The following CLIC5 variants were observed in gnomAD, a reference collection of about 807,000 sequenced individuals.
The protein encoded by CLIC5 is chloride intracellular channel protein 5.
In CLIC5, 20 loss-of-function variants were observed where a neutral mutation model predicts 24.7. The ratio of observed to expected loss-of-function variants is 0.81; its 90% confidence interval spans 0.57 to 1.18. The LOEUF is 1.18. Among genes scored for constraint, CLIC5 ranks in the 50% most tolerant of loss-of-function variants. CLIC5 has a pLI of 0.00. For missense variants in CLIC5, 341 were observed against 326.1 expected (o/e 1.05, Z -0.35); for synonymous variants, 159 against 135.6 (o/e 1.17, Z -1.20).
intron 4 of CLIC5, among the ~76,000 whole-genome samples, chr6:45,923,242 A>G (rs528512176): frequency 1.7e-4 from 26 of 152,354 alleles, no homozygotes; most frequent in African/African-American, 6.0e-4. Flanking sequence ...TTTAAGTATC[A>G]GGCCATAGAT....
At position 45,994,452 on chromosome 6, in the gene CLIC5, G is replaced by A. The variant is rs923546757; in HGVS notation, c.63+21028C>T. On this transcript the variant is annotated intron_variant, in intron 1 of 5. Coordinates refer to ENST00000339561, the MANE Select transcript of CLIC5 (RefSeq NM_016929.5). Reference sequence around the variant, plus strand: ...GGGAGTTAAACAACGAAAACACATGGACACAGGGAGGGGAACAACGCACAC... The same window carrying A: ...GGGAGTTAAACAACGAAAACACATGAACACAGGGAGGGGAACAACGCACAC... Among the ~76,000 whole-genome samples, 16 of 152,124 alleles carry A rather than the reference G, an allele frequency of 1.1e-4. No individual in the cohort carries two copies. The East Asian group carries it at 2.5e-3, about 24-fold the overall frequency.
At chr6:45,944,134 G>A (rs1764217140) in intron 3 of CLIC5, among the ~76,000 whole-genome samples, 1 of 151,874 alleles carries the variant, frequency 6.6e-6, no homozygotes, top group Non-Finnish European at 1.5e-5. Context: ...TTCTAACTCA[G>A]GAGTCAGCAA....
chr6:46,113,212 A>T, the CLIC5 span, among the ~76,000 whole-genome samples: 1 of 152,182 alleles, frequency 6.6e-6, no homozygotes, highest in East Asian at 1.9e-4. Context: ...CACTGGATTA[A>T]TTCTGAATAT....
chr6:46,077,349 G>A (rs969666348), intron 1 of CLIC5, among the ~76,000 whole-genome samples: 2 of 152,014 alleles, frequency 1.3e-5, no homozygotes, highest in African/African-American at 4.8e-5. Context: ...ATGCAGCCCA[G>A]TGGTCCACAC....
chr6:45,941,793 A>G (rs1764141364), intron 3 of CLIC5, 140 bp from the exon 4 acceptor site: 1 of 708,112 alleles, frequency 1.4e-6, no homozygotes, highest in African/African-American at 1.8e-5. Flanking sequence ...TCCTCATACT[A>G]TAGGGAGGGT....
At chr6:45,938,011 A>G (rs990341633) in intron 4 of CLIC5, among the ~76,000 whole-genome samples, 6 of 152,146 alleles carry the variant, frequency 3.9e-5, no homozygotes, top group Non-Finnish European at 8.8e-5. Flanking sequence ...GGCATTAGTG[A>G]CCAGGTAGAG....
rs1169061317 is a variant in CLIC5 at position 46,015,698 on chromosome 6, C to T, written c.-156G>A. ...ACCATCTATTCTCCAGCCCGAGCAG[C>T]GGGGTCTGAGAGATCAGTGTCCCAG... On this transcript the variant is annotated 5_prime_UTR_variant, in exon 1 of 6. Coordinates refer to ENST00000339561, the MANE Select transcript of CLIC5 (RefSeq NM_016929.5). The T allele has an allele frequency of 1.6e-6, 2 of 1,284,654 alleles. No individual in the cohort carries two copies. The highest frequency in any genetic ancestry group is 2.0e-6 in the Non-Finnish European group (2 of 1,012,358). 79.6% of individuals were successfully genotyped at this position (1,284,654 alleles called of 1,614,324 possible).
upstream of CLIC5, among the ~76,000 whole-genome samples, chr6:46,017,927 G>A (rs932285954): frequency 6.6e-6 from 1 of 152,170 alleles, no homozygotes; most frequent in African/African-American, 2.4e-5. Flanking sequence ...CAAGCCCAAC[G>A]TGCAACTCTC....
chr6:45,908,258 G>A (rs1158735688), intron 5 of CLIC5, among the ~76,000 whole-genome samples: 2 of 151,756 alleles, frequency 1.3e-5, no homozygotes, highest in African/African-American at 2.4e-5. Flanking sequence ...TGAATTTTTG[G>A]GTCTCAATTT....
the CLIC5 span, among the ~76,000 whole-genome samples, chr6:46,085,789 A>G: frequency 0.013 from 1,979 of 152,308 alleles, 54 homozygotes; most frequent in African/African-American, 0.045. Flanking sequence ...TCAAAGGGAC[A>G]TTTAAGTCTG....
At chr6:46,002,147 G>A (rs144145903) in intron 1 of CLIC5, among the ~76,000 whole-genome samples, 19 of 152,272 alleles carry the variant, frequency 1.2e-4, no homozygotes, top group African/African-American at 4.3e-4. Context: ...GCGAGGACTC[G>A]ATGGAATCCA....
the CLIC5 span, among the ~76,000 whole-genome samples, chr6:46,101,960 G>GAA: frequency 1.1e-4 from 14 of 127,334 alleles, no homozygotes; most frequent in East Asian, 1.6e-3. Context: ...AGAATATTGA[G>GAA]AAAAAAAAAA....
At chr6:46,074,172 T>C (rs1762700911) in intron 1 of CLIC5, among the ~76,000 whole-genome samples, 1 of 152,228 alleles carries the variant, frequency 6.6e-6, no homozygotes, top group Non-Finnish European at 1.5e-5. Flanking sequence ...TATATATGTA[T>C]ATACTACTGT....
chr6:46,076,671 G>C (rs1762779523), intron 1 of CLIC5, among the ~76,000 whole-genome samples: 1 of 152,204 alleles, frequency 6.6e-6, no homozygotes, highest in South Asian at 2.1e-4. Flanking sequence ...CCCCAGAACT[G>C]TAAGAGAATA....
intron 4 of CLIC5, among the ~76,000 whole-genome samples, chr6:45,921,070 T>C (rs3798258): frequency 0.3 from 46,209 of 152,036 alleles, 7,206 homozygotes; most frequent in East Asian, 0.47. Flanking sequence ...TTAGGTTATA[T>C]GAGTATGAAT....
intron 2 of CLIC5, among the ~76,000 whole-genome samples, chr6:45,952,852 A>G (rs1581784720): frequency 1.3e-5 from 2 of 152,290 alleles, no homozygotes; most frequent in South Asian, 2.1e-4. Flanking sequence ...AACACCTCCA[A>G]TTCTGCACTG....
At chr6:46,026,360 G>T (rs2127453062) in intron 1 of CLIC5, among the ~76,000 whole-genome samples, 1 of 152,234 alleles carries the variant, frequency 6.6e-6, no homozygotes, top group Non-Finnish European at 1.5e-5. Flanking sequence ...GAATCTCAAA[G>T]AAATAGAATA....
rs113381423 is a variant in CLIC5 at position 45,981,647 on chromosome 6, T to C, written c.64-26403A>G. On this transcript the variant is annotated intron_variant, in intron 1 of 5. Transcript: ENST00000339561. ...GGAAAACCTTGCACTTTCATATTGC[T>C]GTTCAGTTTTGGTGGGCATCTACCA... 6.7e-3 allele frequency among the ~76,000 whole-genome samples: 1,028 copies of C among 152,316 alleles called. 9 individuals are homozygous for C. Among genetic ancestry groups the C allele is most frequent in the African/African-American group, 0.023 (958 of 41,570 alleles).
intron 1 of CLIC5, among the ~76,000 whole-genome samples, chr6:45,974,368 T>C (rs1765307285): frequency 6.6e-6 from 1 of 151,550 alleles, no homozygotes; most frequent in African/African-American, 2.4e-5. Flanking sequence ...CAGGCACCTA[T>C]GGAAAGATGA....
Sources: gnomAD v4.1 joint callset for allele counts (sites outside exome capture counted in the v4.1 genomes callset) on GRCh38, gnomAD v4.1.1 for gene constraint, MANE v1.5 for transcripts, NCBI Gene and HGNC (gene_info 2026-07-23, HGNC 2026-07-21) for gene names.